The following FAM117B variants were observed in gnomAD, a reference collection of about 807,000 sequenced individuals.
FAM117B encodes the protein family with sequence similarity 117 member B, also known as protein FAM117B.
FAM117B carries 22 observed loss-of-function variants against 52.8 expected under a neutral mutation model. The observed-to-expected ratio is 0.42, with a 90% CI of 0.30 to 0.59. FAM117B has a LOEUF of 0.59. FAM117B is among the 20% of genes least tolerant of loss of function. FAM117B has a pLI of 0.22. For missense variants in FAM117B, 678 were observed against 802.6 expected, an observed-to-expected ratio of 0.84 and a Z score of 1.88; for synonymous variants, 309 against 324.1, an observed-to-expected ratio of 0.95 and a Z score of 0.50.
intron 2 of FAM117B, among the ~76,000 whole-genome samples, chr2:202,714,707 C>T (rs1399689717): frequency 1.3e-5 from 2 of 151,884 alleles, no homozygotes; most frequent in African/African-American, 2.4e-5. Context: ...TCCCTGGGTA[C>T]TTGAGATTAG....
In FAM117B at chr2:202,655,707, T is replaced by TGA. The variant is rs60423652; in HGVS notation, c.601+19973_601+19974dup. ...GCCTGGAGTGGGTGCGGGAAGAGAG[T>TGA]GAGAGAGAGAGAGAGAGAGAGAGAG... On this transcript the variant is annotated intron_variant, in intron 1 of 7. Transcript: ENST00000392238. Among the ~76,000 whole-genome samples the TGA allele has an allele frequency of 7.1e-3, 698 of 98,588 alleles. 1 individual carries two copies. Among genetic ancestry groups the TGA allele is most frequent in the East Asian group, 0.012 (44 of 3,534 alleles). 64.7% of individuals were successfully genotyped at this position (98,588 alleles called of 152,430 possible).
chr2:202,739,637 T>A (rs1691494104), intron 4 of FAM117B, among the ~76,000 whole-genome samples: 1 of 151,968 alleles, frequency 6.6e-6, no homozygotes, highest in Admixed American at 6.6e-5. Context: ...TAAAATTTTT[T>A]ATAGAGACTG....
chr2:202,654,095 G>C (rs928856158), intron 1 of FAM117B, among the ~76,000 whole-genome samples: 1 of 149,244 alleles, frequency 6.7e-6, no homozygotes, highest in Non-Finnish European at 1.5e-5. Flanking sequence ...GAGAGAGAGA[G>C]AGTGAGAGTG....
intron 4 of FAM117B, among the ~76,000 whole-genome samples, chr2:202,751,764 T>A: frequency 1.1e-5 from 1 of 92,986 alleles, no homozygotes; most frequent in Non-Finnish European, 1.9e-5. Context: ...AGACCGAGAC[T>A]CCATCTCAAA....
intron 4 of FAM117B, among the ~76,000 whole-genome samples, chr2:202,731,335 ATATATATATATATAT>A (rs1691342827): frequency 9.1e-5 from 9 of 98,656 alleles, no homozygotes; most frequent in Non-Finnish European, 1.5e-4. Context: ...AAATTGGAAT[ATATATATATATATAT>A]ATATATATAT....
At chr2:202,669,113 A>G (rs370625366) in intron 1 of FAM117B, among the ~76,000 whole-genome samples, 1 of 152,206 alleles carries the variant, frequency 6.6e-6, no homozygotes. Flanking sequence ...TGATAAATCA[A>G]TAGACAGAGT....
rs1006429027 is a variant in FAM117B at position 202,668,187 on chromosome 2, AATAT to A, written c.602-27689_602-27686del. ...ATAATACATACATATTATATTATAT[AATAT>A]ATATTTATATATTTTTATATAATAT... is the stretch of plus-strand genomic sequence containing the variant. On this transcript the variant is annotated intron_variant, in intron 1 of 7. Transcript: ENST00000392238. Among the ~76,000 whole-genome samples the A allele has an allele frequency of 8.3e-5, 12 of 144,550 alleles. No homozygotes were observed. In the South Asian group the frequency reaches 1.3e-3, roughly 15 times the overall value. The allele number at this position is 144,550 out of a possible 152,430, so 94.8% of individuals were successfully genotyped here. A position where few individuals can be genotyped will look rare whatever the true frequency, so the allele number is the denominator to read the frequency against.
At chr2:202,666,229 T>C (rs1190552270) in intron 1 of FAM117B, among the ~76,000 whole-genome samples, 1 of 151,804 alleles carries the variant, frequency 6.6e-6, no homozygotes, top group East Asian at 1.9e-4. Context: ...AAACTTTACA[T>C]TAAAAACAAT....
At chr2:202,744,601 G>A (rs1237473616) in intron 4 of FAM117B, among the ~76,000 whole-genome samples, 2 of 152,080 alleles carry the variant, frequency 1.3e-5, no homozygotes, top group Non-Finnish European at 2.9e-5. Context: ...GAGAGAATGG[G>A]ATGATATATT....
intron 1 of FAM117B, among the ~76,000 whole-genome samples, chr2:202,678,529 A>G (rs1690412123): frequency 6.6e-6 from 1 of 152,166 alleles, no homozygotes; most frequent in Admixed American, 6.5e-5. Context: ...AAGGAAGAAG[A>G]CAGTGGGAAT....
intron 7 of FAM117B, among the ~76,000 whole-genome samples, chr2:202,763,142 G>A (rs1691921755): frequency 6.7e-6 from 1 of 148,614 alleles, no homozygotes; most frequent in Admixed American, 6.8e-5. Flanking sequence ...TGTGATCTTG[G>A]CTCACTGCAA....
chr2:202,686,801 C>T (rs958949573), intron 1 of FAM117B, among the ~76,000 whole-genome samples: 8 of 140,012 alleles, frequency 5.7e-5, no homozygotes, highest in African/African-American at 1.5e-4. Flanking sequence ...GAATGAGATT[C>T]GGTCAAAAAA....
chr2:202,684,528 T>C (rs1377053724), intron 1 of FAM117B, among the ~76,000 whole-genome samples: 4 of 152,190 alleles, frequency 2.6e-5, no homozygotes, highest in Admixed American at 2.6e-4. Context: ...GATCGTGCCA[T>C]ATTTTTCAGA....
intron 4 of FAM117B, among the ~76,000 whole-genome samples, chr2:202,727,884 T>C (rs1412118948): frequency 6.6e-6 from 1 of 152,200 alleles, no homozygotes; most frequent in Non-Finnish European, 1.5e-5. Flanking sequence ...TTGTTTGCAA[T>C]GGAAAGTATG....
intron 2 of FAM117B, among the ~76,000 whole-genome samples, chr2:202,713,457 T>C (rs1690987729): frequency 6.6e-6 from 1 of 152,202 alleles, no homozygotes; most frequent in South Asian, 2.1e-4. Flanking sequence ...TTTTATCTTT[T>C]CAAAACCCAC....
At chr2:202,750,058 C>A (rs1288199799) in intron 4 of FAM117B, among the ~76,000 whole-genome samples, 1 of 152,150 alleles carries the variant, frequency 6.6e-6, no homozygotes, top group Non-Finnish European at 1.5e-5. Flanking sequence ...GATCAAGGTG[C>A]CAGCAGGGTT....
chr2:202,682,282 G>T (rs1690473738), intron 1 of FAM117B, among the ~76,000 whole-genome samples: 1 of 152,214 alleles, frequency 6.6e-6, no homozygotes, highest in Non-Finnish European at 1.5e-5. Flanking sequence ...CCACTGAGCT[G>T]TTAACTCTTA....
rs971354785 is a variant in FAM117B, at chr2:202,768,207, A to G, written c.*2443A>G. On this transcript the variant is annotated 3_prime_UTR_variant, in exon 8 of 8. Coordinates refer to ENST00000392238, the MANE Select transcript of FAM117B (RefSeq NM_173511.4). Reference sequence around the variant, plus strand: ...GTCACAATGGCATTTTAGAACTAGAATGCCACTCTGTAGAGGTTTTCCCTT... The same window carrying G: ...GTCACAATGGCATTTTAGAACTAGAGTGCCACTCTGTAGAGGTTTTCCCTT... 17 of 152,222 alleles carry G rather than the reference A, an allele frequency of 1.1e-4. No individual in the cohort carries two copies. Among genetic ancestry groups the G allele is most frequent in the African/African-American group, 4.1e-4 (17 of 41,456 alleles). The allele number at this position is 152,222 out of a possible 1,614,324, so 9.4% of individuals were successfully genotyped here. A position where few individuals can be genotyped will look rare whatever the true frequency, so the allele number is the denominator to read the frequency against.
At chr2:202,688,467 A>G (rs1230181185) in intron 1 of FAM117B, among the ~76,000 whole-genome samples, 1 of 152,174 alleles carries the variant, frequency 6.6e-6, no homozygotes, top group East Asian at 1.9e-4. Flanking sequence ...AATAAAATCA[A>G]CTACAGTTAT....
Sources: allele counts gnomAD v4.1 joint callset (sites outside exome capture counted in the v4.1 genomes callset), GRCh38; gene constraint gnomAD v4.1.1; transcripts MANE v1.5; gene names NCBI Gene and HGNC (gene_info 2026-07-23, HGNC 2026-07-21).